CSMD1: variants seen among roughly 807,000 people sequenced by gnomAD.
CSMD1 encodes CUB and Sushi multiple domains 1.
A neutral mutation model predicts 417.5 loss-of-function variants in CSMD1; 213 were observed. The observed-to-expected ratio is 0.51, with a 90% confidence interval of 0.46 to 0.57. The LOEUF (loss-of-function observed/expected upper bound fraction) is 0.57, where lower values mean the gene tolerates loss of function less well. Ranked by LOEUF, CSMD1 falls within the 20% of genes least tolerant of loss-of-function variation. The pLI is 0.00. For synonymous variants in CSMD1, 2,862 were observed against 1,736.8 expected (o/e 1.65, Z -16.11); for missense variants, 6,923 against 4,529.7 (o/e 1.53, Z -15.17).
At chr8:3,881,547 T>G (rs563766485) in intron 5 of CSMD1, among the ~76,000 whole-genome samples, 4 of 148,542 alleles carry the variant, frequency 2.7e-5, no homozygotes, top group Non-Finnish European at 5.9e-5. Context: ...TGAGGTTGCA[T>G]TGAGCCAAGA....
Position 4,273,934 on chromosome 8 carries a change from G to A in CSMD1, c.415+146019C>T, listed in dbSNP as rs369551973. On this transcript the variant is annotated intron_variant, in intron 3 of 69. Transcript: ENST00000635120. ...CATTATCACTGGATTACTTTTCTATGGAGGCTGTTGAAGTGTCCTGGGAGT... is the reference window on the plus strand; with the variant it reads ...CATTATCACTGGATTACTTTTCTATAGAGGCTGTTGAAGTGTCCTGGGAGT... 3.9e-5 allele frequency among the ~76,000 whole-genome samples: 6 copies of A among 152,282 alleles called. No individual in the cohort carries two copies. The East Asian group carries it at 5.8e-4, about 15-fold the overall frequency.
chr8:4,879,890 G>C (rs1264492459), intron 1 of CSMD1, among the ~76,000 whole-genome samples: 1 of 152,066 alleles, frequency 6.6e-6, no homozygotes, highest in Admixed American at 6.5e-5. Context: ...CAGTCAGGAT[G>C]TTCTTACAAG....
chr8:3,146,597 A>G (rs1490473589), intron 40 of CSMD1, among the ~76,000 whole-genome samples: 1 of 152,170 alleles, frequency 6.6e-6, no homozygotes, highest in Admixed American at 6.5e-5. Flanking sequence ...GTGAGCAACC[A>G]CAGCTTATGC....
intron 2 of CSMD1, among the ~76,000 whole-genome samples, chr8:4,612,024 G>C (rs1353993374): frequency 6.6e-6 from 1 of 152,062 alleles, no homozygotes; most frequent in Non-Finnish European, 1.5e-5. Context: ...CCATCTAATT[G>C]GAATGAAAAG....
intron 2 of CSMD1, among the ~76,000 whole-genome samples, chr8:4,518,170 G>T (rs1377628285): frequency 6.6e-6 from 1 of 152,124 alleles, no homozygotes; most frequent in Admixed American, 6.5e-5. Context: ...AGAAGACAGA[G>T]TATGGCACGA....
rs571386043 is a variant in CSMD1 at position 3,294,244 on chromosome 8, C to T, written c.3951-9898G>A. ...GTCTGTTGGCCCCTACTGGGGGGTG[C>T]CTCCCAGTTAGGCTACTCAGGGGTC... On this transcript the variant is annotated intron_variant, in intron 25 of 69. Coordinates refer to ENST00000635120, the MANE Select transcript of CSMD1 (RefSeq NM_033225.6). 5.4e-3 allele frequency among the ~76,000 whole-genome samples: 825 copies of T among 151,636 alleles called. 9 individuals are homozygous for T. The highest frequency in any genetic ancestry group is 0.019 in the African/African-American group (778 of 41,494).
intron 3 of CSMD1, among the ~76,000 whole-genome samples, chr8:4,217,629 T>C (rs116391328): frequency 0.012 from 1,751 of 150,334 alleles, 37 homozygotes; most frequent in African/African-American, 0.041. Flanking sequence ...GAGAAACTGT[T>C]GAAAAAGTTG....
chr8:4,027,200 T>G (rs1797107765), intron 4 of CSMD1, among the ~76,000 whole-genome samples: 1 of 152,156 alleles, frequency 6.6e-6, no homozygotes, highest in Non-Finnish European at 1.5e-5. Context: ...TAGGAAGCCC[T>G]GTTGAAGGTT....
chr8:3,820,479 G>A (rs1801668569), intron 5 of CSMD1, among the ~76,000 whole-genome samples: 1 of 152,210 alleles, frequency 6.6e-6, no homozygotes, highest in Non-Finnish European at 1.5e-5. Context: ...TTGTCCCACT[G>A]GAAGTTTGTC....
At chr8:4,965,524 T>C (rs1052554007) in intron 1 of CSMD1, among the ~76,000 whole-genome samples, 8 of 152,230 alleles carry the variant, frequency 5.3e-5, no homozygotes, top group African/African-American at 1.7e-4. Flanking sequence ...CAATGGGGCA[T>C]GTGGCCCTGG....
chr8:3,339,020 AT>A (rs2117587842), intron 23 of CSMD1, among the ~76,000 whole-genome samples: 1 of 121,192 alleles, frequency 8.3e-6, no homozygotes, highest in African/African-American at 3.2e-5. Context: ...TGAGTGTGAT[AT>A]TCCCCTTCCT....
intron 26 of CSMD1, among the ~76,000 whole-genome samples, chr8:3,271,363 A>G (rs1390819973): frequency 6.6e-6 from 1 of 151,888 alleles, no homozygotes. Context: ...AGTCTTTGCT[A>G]TTGTGAATAA....
chr8:4,568,658 A>G (rs1372362751), intron 2 of CSMD1, among the ~76,000 whole-genome samples: 1 of 152,156 alleles, frequency 6.6e-6, no homozygotes, highest in African/African-American at 2.4e-5. Flanking sequence ...GCTGGGTCAA[A>G]TGGTATTTCT....
chr8:4,100,078 G>A (rs1011942511), intron 3 of CSMD1, among the ~76,000 whole-genome samples: 3 of 152,098 alleles, frequency 2.0e-5, no homozygotes, highest in African/African-American at 4.8e-5. Flanking sequence ...AGAAATTTGG[G>A]TTAATCCAGA....
intron 2 of CSMD1, among the ~76,000 whole-genome samples, chr8:4,426,798 A>C (rs6999888): frequency 0.17 from 25,295 of 148,812 alleles, 2,252 homozygotes; most frequent in South Asian, 0.28. Context: ...TATAATATAG[A>C]AATATAGTAT....
At chr8:3,258,042 C>T (rs778943514) in intron 26 of CSMD1, among the ~76,000 whole-genome samples, 27 of 152,110 alleles carry the variant, frequency 1.8e-4, no homozygotes, top group African/African-American at 7.2e-5. Context: ...GAGATGGTGT[C>T]GAGTAGACAG....
intron 41 of CSMD1, among the ~76,000 whole-genome samples, chr8:3,137,480 G>C (rs1439469813): frequency 3.3e-5 from 5 of 152,214 alleles, no homozygotes; most frequent in Non-Finnish European, 7.3e-5. Flanking sequence ...AGCGCGGAGC[G>C]AGGTAAAACA....
At chr8:4,240,782 T>A (rs1212459413) in intron 3 of CSMD1, among the ~76,000 whole-genome samples, 1 of 152,198 alleles carries the variant, frequency 6.6e-6, no homozygotes, top group Non-Finnish European at 1.5e-5. Flanking sequence ...ATAATAAAAG[T>A]GACAGCCAAA....
In CSMD1 at chr8:4,379,619, G is replaced by A. The variant is rs144361941; in HGVS notation, c.415+40334C>T. On this transcript the variant is annotated intron_variant, in intron 3 of 69. Transcript: ENST00000635120. ...GAAAAATGTTTGCAAGGTAAGCCAT[G>A]AGATTTATTAACACCAAAATGAGTC... 1.8e-3 allele frequency among the ~76,000 whole-genome samples: 268 copies of A among 151,968 alleles called. 1 individual carries two copies. The highest frequency in any genetic ancestry group is 6.1e-3 in the African/African-American group (255 of 41,482).
Sources: allele counts gnomAD v4.1 joint callset (sites outside exome capture counted in the v4.1 genomes callset), GRCh38; gene constraint gnomAD v4.1.1; transcripts MANE v1.5; gene names NCBI Gene and HGNC (gene_info 2026-07-23, HGNC 2026-07-21).